The following COMMD10 variants were observed in gnomAD, a reference collection of about 807,000 sequenced individuals.
COMMD10 encodes the protein COMM domain containing 10.
A neutral mutation model predicts 28.9 loss-of-function variants in COMMD10; 33 were observed. The observed-to-expected ratio is 1.14, with a 90% CI of 0.87 to 1.53. The LOEUF is 1.53. COMMD10 is among the 40% of genes most tolerant of loss of function. COMMD10 has a pLI of 0.00. For missense variants in COMMD10, 310 were observed against 233.4 expected, an observed-to-expected ratio of 1.33 and a Z score of -2.14; for synonymous variants, 110 against 81.7, an observed-to-expected ratio of 1.35 and a Z score of -1.87.
intron 5 of COMMD10, among the ~76,000 whole-genome samples, chr5:116,281,754 C>G (rs1172109756): frequency 6.6e-6 from 1 of 151,788 alleles, no homozygotes; most frequent in Non-Finnish European, 1.5e-5. Flanking sequence ...TATTTTGATT[C>G]ATGTAATGCA....
intron 4 of COMMD10, among the ~76,000 whole-genome samples, chr5:116,109,957 G>A (rs577894983): frequency 2.7e-4 from 41 of 152,228 alleles, no homozygotes; most frequent in African/African-American, 9.9e-4. Context: ...CAACGTTTTT[G>A]AGGAAATGTT....
chr5:116,270,233 AAAAG>A (rs1289794827), intron 5 of COMMD10, among the ~76,000 whole-genome samples: 3 of 151,942 alleles, frequency 2.0e-5, no homozygotes, highest in African/African-American at 7.3e-5. Context: ...CGAAAGCAAA[AAAAG>A]TTTATACATT....
chr5:116,088,758 T>G (rs1163661709), intron 2 of COMMD10, among the ~76,000 whole-genome samples: 6 of 152,342 alleles, frequency 3.9e-5, no homozygotes, highest in Middle Eastern at 3.4e-3. Flanking sequence ...ACAATCTCAG[T>G]CTCAGCAGTT....
intron 5 of COMMD10, among the ~76,000 whole-genome samples, chr5:116,166,308 C>G (rs1171964004): frequency 1.3e-5 from 2 of 152,092 alleles, no homozygotes; most frequent in East Asian, 3.9e-4. Context: ...TCCAGATCTT[C>G]TAATTACAAG....
chr5:116,123,634 A>G (rs1186835871), intron 4 of COMMD10, among the ~76,000 whole-genome samples: 1 of 152,184 alleles, frequency 6.6e-6, no homozygotes, highest in African/African-American at 2.4e-5. Flanking sequence ...GAATAGTTTC[A>G]GAAGGAATGG....
chr5:116,244,100 A>G (rs1467380314), intron 5 of COMMD10, among the ~76,000 whole-genome samples: 3 of 152,168 alleles, frequency 2.0e-5, no homozygotes, highest in African/African-American at 7.2e-5. Flanking sequence ...GTGCTTCTCA[A>G]GGCAACTTCA....
intron 5 of COMMD10, among the ~76,000 whole-genome samples, chr5:116,169,804 A>G (rs1333043135): frequency 6.6e-6 from 1 of 152,194 alleles, no homozygotes; most frequent in Non-Finnish European, 1.5e-5. Flanking sequence ...CATGCTAAAA[A>G]CACTCAATAA....
At chr5:116,240,667 G>T (rs1469311826) in intron 5 of COMMD10, among the ~76,000 whole-genome samples, 1 of 152,120 alleles carries the variant, frequency 6.6e-6, no homozygotes, top group Admixed American at 6.6e-5. Flanking sequence ...AAGAAATCAG[G>T]AGAAAGGAAT....
At chr5:116,234,904 TAAGCCGCC>T (rs1272738576) in intron 5 of COMMD10, among the ~76,000 whole-genome samples, 1 of 152,198 alleles carries the variant, frequency 6.6e-6, no homozygotes, top group Non-Finnish European at 1.5e-5. Flanking sequence ...ACAGCTCTGC[TAAGCCGCC>T]ACTTAGAAAA....
At chr5:116,204,802 C>G (rs1361433079) in intron 5 of COMMD10, among the ~76,000 whole-genome samples, 5 of 152,046 alleles carry the variant, frequency 3.3e-5, no homozygotes, top group African/African-American at 9.7e-5. Context: ...CTGTGGAGGT[C>G]GTGGTATACG....
intron 5 of COMMD10, among the ~76,000 whole-genome samples, chr5:116,200,599 TTTTTGTTTTG>T (rs551346997): frequency 6.6e-6 from 1 of 152,034 alleles, no homozygotes; most frequent in African/African-American, 2.4e-5. Flanking sequence ...CCTCCTGGGT[TTTTTGTTTTG>T]TTTTGTTTTG....
intron 5 of COMMD10, among the ~76,000 whole-genome samples, chr5:116,270,966 A>G (rs1274839934): frequency 6.7e-6 from 1 of 149,722 alleles, no homozygotes; most frequent in Non-Finnish European, 1.5e-5. Flanking sequence ...TTATATATAA[A>G]TAAATAAAAT....
intron 4 of COMMD10, among the ~76,000 whole-genome samples, chr5:116,131,809 G>A (rs1751871798): frequency 6.6e-6 from 1 of 151,934 alleles, no homozygotes; most frequent in Non-Finnish European, 1.5e-5. Context: ...GACTACAGAG[G>A]GAAGGGAAAG....
intron 5 of COMMD10, among the ~76,000 whole-genome samples, chr5:116,266,512 A>G (rs111862575): frequency 3.5e-4 from 53 of 151,932 alleles, no homozygotes; most frequent in African/African-American, 1.3e-3. Context: ...CTGAACTTTG[A>G]TGCAGTAGTA....
chr5:116,270,700 G>A (rs561700985), intron 5 of COMMD10, among the ~76,000 whole-genome samples: 15 of 151,852 alleles, frequency 9.9e-5, no homozygotes, highest in African/African-American at 3.4e-4. Context: ...ACTTTGGGAG[G>A]CCGAGGTGGA....
At chr5:116,165,626 T>G (rs184843796) in intron 5 of COMMD10, among the ~76,000 whole-genome samples, 2 of 151,898 alleles carry the variant, frequency 1.3e-5, no homozygotes, top group Admixed American at 6.6e-5. Flanking sequence ...GTGTGTGTGT[T>G]TGTGCGCACA....
intron 4 of COMMD10, among the ~76,000 whole-genome samples, chr5:116,132,609 T>TACC (rs776082360): frequency 6.9e-4 from 105 of 152,132 alleles, no homozygotes; most frequent in Non-Finnish European, 1.1e-3. Flanking sequence ...AAATGCAACA[T>TACC]TTTACAGGTC....
intron 5 of COMMD10, among the ~76,000 whole-genome samples, chr5:116,267,588 G>GA (rs779729377): frequency 4.4e-4 from 67 of 151,896 alleles, no homozygotes; most frequent in South Asian, 4.4e-3. Flanking sequence ...CACAGAATTG[G>GA]AAAAAACTAC....
intron 4 of COMMD10, among the ~76,000 whole-genome samples, chr5:116,119,016 G>C (rs1751334933): frequency 1.3e-5 from 2 of 152,180 alleles, no homozygotes; most frequent in Admixed American, 1.3e-4. Context: ...CTTTTTCAGA[G>C]TGTTGCCAAT....
Sources: gnomAD v4.1 joint callset for allele counts (sites outside exome capture counted in the v4.1 genomes callset) on GRCh38, gnomAD v4.1.1 for gene constraint, MANE v1.5 for transcripts, NCBI Gene and HGNC (gene_info 2026-07-23, HGNC 2026-07-21) for gene names.